Variants in TMEM108 observed in about 807,000 individuals in gnomAD.
The protein encoded by TMEM108 is transmembrane protein 108, also known as cancer/testis antigen 124.
TMEM108 carries 12 observed loss-of-function variants against 35.1 expected under a neutral mutation model. The ratio of observed to expected loss-of-function variants is 0.34; its 90% CI spans 0.22 to 0.55. The LOEUF is 0.55. Among genes scored for constraint, TMEM108 ranks in the 20% least tolerant of loss-of-function variants. The pLI is 0.89. For synonymous variants in TMEM108, 287 were observed against 308.6 expected (o/e 0.93, Z 0.73); for missense variants, 680 against 753.3 (o/e 0.90, Z 1.14).
chr3:133,224,635 T>C (rs1176247147), intron 2 of TMEM108, among the ~76,000 whole-genome samples: 2 of 152,234 alleles, frequency 1.3e-5, no homozygotes, highest in East Asian at 1.9e-4. Context: ...CTTTTCTCTC[T>C]TGCCCGCTGC....
At chr3:133,343,213 C>T (rs1281975132) in intron 3 of TMEM108, among the ~76,000 whole-genome samples, 1 of 151,724 alleles carries the variant, frequency 6.6e-6, no homozygotes, top group East Asian at 1.9e-4. Context: ...ACATTGACAG[C>T]AACAAATGCT....
chr3:133,216,504 T>C (rs1477477652), intron 2 of TMEM108, among the ~76,000 whole-genome samples: 1 of 152,152 alleles, frequency 6.6e-6, no homozygotes, highest in Non-Finnish European at 1.5e-5. Flanking sequence ...CAATATGTTA[T>C]TATTAACTAT....
At chr3:133,050,587 A>G (rs1471406651) in intron 2 of TMEM108, among the ~76,000 whole-genome samples, 5 of 152,132 alleles carry the variant, frequency 3.3e-5, no homozygotes, top group African/African-American at 9.7e-5. Context: ...AGACCAATGT[A>G]TAATCACATG....
chr3:133,073,532 A>ATATATATT (rs1324857078), intron 2 of TMEM108, among the ~76,000 whole-genome samples: 15 of 134,412 alleles, frequency 1.1e-4, no homozygotes, highest in African/African-American at 3.4e-4. Flanking sequence ...ATATATATAT[A>ATATATATT]TATCACATTT....
At chr3:133,335,467 A>G in intron 3 of TMEM108, among the ~76,000 whole-genome samples, 1 of 152,350 alleles carries the variant, frequency 6.6e-6, no homozygotes, top group Admixed American at 6.5e-5. Flanking sequence ...ATGAATGTGT[A>G]ATGTACTATA....
intron 2 of TMEM108, among the ~76,000 whole-genome samples, chr3:133,213,973 G>T (rs1576387107): frequency 6.6e-6 from 1 of 152,076 alleles, no homozygotes; most frequent in Non-Finnish European, 1.5e-5. Flanking sequence ...AACAGAAGGG[G>T]CTATTTGGGG....
At chr3:133,113,960 G>A (rs1346331804) in intron 2 of TMEM108, among the ~76,000 whole-genome samples, 2 of 152,100 alleles carry the variant, frequency 1.3e-5, no homozygotes, top group African/African-American at 4.8e-5. Flanking sequence ...CTCTTTTTAG[G>A]TCCACTTTGG....
At chr3:133,065,741 A>G (rs1943599268) in intron 2 of TMEM108, among the ~76,000 whole-genome samples, 1 of 152,180 alleles carries the variant, frequency 6.6e-6, no homozygotes, top group Admixed American at 6.5e-5. Flanking sequence ...GAATGAAAAT[A>G]TCATTTTAAA....
At chr3:133,294,973 A>C (rs1947122627) in intron 3 of TMEM108, among the ~76,000 whole-genome samples, 1 of 152,216 alleles carries the variant, frequency 6.6e-6, no homozygotes, top group African/African-American at 2.4e-5. Context: ...AGTGGAGAAA[A>C]GTACTTGGGG....
intron 2 of TMEM108, among the ~76,000 whole-genome samples, chr3:133,114,863 A>G (rs1944268663): frequency 6.6e-6 from 1 of 152,196 alleles, no homozygotes; most frequent in South Asian, 2.1e-4. Flanking sequence ...TCGAGATGCA[A>G]GGAATACATT....
chr3:133,217,893 T>C (rs1434436424), intron 2 of TMEM108, among the ~76,000 whole-genome samples: 2 of 152,076 alleles, frequency 1.3e-5, no homozygotes, highest in Non-Finnish European at 2.9e-5. Flanking sequence ...AAGATTACTT[T>C]GGCTATTTGG....
At chr3:133,193,318 G>A (rs890160655) in intron 2 of TMEM108, among the ~76,000 whole-genome samples, 8 of 152,122 alleles carry the variant, frequency 5.3e-5, no homozygotes, top group South Asian at 2.1e-4. Context: ...AGAAATAAAT[G>A]TTCAGAGATA....
At chr3:133,093,764 A>G (rs539025148) in intron 2 of TMEM108, among the ~76,000 whole-genome samples, 78 of 152,096 alleles carry the variant, frequency 5.1e-4, no homozygotes, top group Non-Finnish European at 8.7e-4. Flanking sequence ...AAACATTTTT[A>G]TGCCTTTCTT....
chr3:133,065,241 G>A (rs2107684990), intron 2 of TMEM108, among the ~76,000 whole-genome samples: 1 of 151,986 alleles, frequency 6.6e-6, no homozygotes, highest in South Asian at 2.1e-4. Flanking sequence ...CAAAAGTGTG[G>A]TTGTGTGTAA....
Position 133,380,947 on chromosome 3 carries a change from C to T in TMEM108, c.1236C>T (p.Asp412=), listed in dbSNP as rs779812121. ...EETVATLTMT[D]RVPSPLSTVV... ...CTGTGGCCACCCTCACCATGACCGA[C>T]CGGGTGCCCAGTCCTCTCTCCACAG... The change falls in exon 4 of 6, where the codon GAC becomes GAT. Residue 412 remains aspartate, a synonymous_variant. Transcript: ENST00000321871. The surrounding 1 kb of genome is among the most constrained non-coding windows in gnomAD (Gnocchi z 5.3). 6.2e-7 allele frequency: 1 copy of T among 1,614,196 alleles called. No homozygotes were observed. The highest frequency in any genetic ancestry group is 8.5e-7 in the Non-Finnish European group (1 of 1,180,032).
chr3:133,051,405 G>A (rs904134842), intron 2 of TMEM108, among the ~76,000 whole-genome samples: 3 of 152,000 alleles, frequency 2.0e-5, no homozygotes, highest in African/African-American at 7.2e-5. Context: ...ATAGATTTTG[G>A]ATAATGGTCC....
chr3:133,337,725 T>C (rs1275221936), intron 3 of TMEM108, among the ~76,000 whole-genome samples: 1 of 151,978 alleles, frequency 6.6e-6, no homozygotes, highest in Non-Finnish European at 1.5e-5. Context: ...AAAGGACCAA[T>C]CCTGGAGAAA....
rs569731432 is a variant in TMEM108 at position 133,390,457 on chromosome 3, A to G, written c.1605+123A>G. On this transcript the variant is annotated intron_variant, in intron 5 of 5. Coordinates refer to ENST00000321871, the MANE Select transcript of TMEM108 (RefSeq NM_023943.4). ...TATGGCCCATGGACCAGCAGTATCA[A>G]TAACACCCAAGAGGTTGTAGGCCCT... 5.8e-5 allele frequency: 65 copies of G among 1,115,088 alleles called. No homozygotes were observed. The East Asian group carries it at 1.3e-3, about 21-fold the overall frequency. 69.1% of individuals were successfully genotyped at this position (1,115,088 alleles called of 1,614,324 possible).
chr3:133,271,802 C>T (rs1045554540), intron 3 of TMEM108, among the ~76,000 whole-genome samples: 55 of 152,228 alleles, frequency 3.6e-4, no homozygotes, highest in East Asian at 9.7e-4. Flanking sequence ...CTCTCTAGCC[C>T]ATGGGCCAAC....
Sources: gnomAD v4.1 joint callset for allele counts (sites outside exome capture counted in the v4.1 genomes callset) on GRCh38, gnomAD v4.1.1 for gene constraint, Gnocchi (gnomAD v3.1) non-coding constraint, MANE v1.5 for transcripts, NCBI Gene and HGNC (gene_info 2026-07-23, HGNC 2026-07-21) for gene names.